BPIFB4: variants seen among roughly 807,000 people sequenced by gnomAD.
The protein encoded by BPIFB4 is BPI fold containing family B member 4, also known as BPI fold-containing family B member 4.
BPIFB4 carries 62 observed loss-of-function variants against 69.2 expected under a neutral mutation model. That is an observed-to-expected ratio of 0.90 (90% confidence interval 0.73 to 1.11). The LOEUF is 1.11. Ranked by LOEUF, BPIFB4 falls within the 50% of genes least tolerant of loss-of-function variation. BPIFB4 has a pLI of 0.00. For synonymous variants in BPIFB4, 330 were observed against 332.7 expected (o/e 0.99, Z 0.09); for missense variants, 789 against 792.0 (o/e 1.00, Z 0.04).
At chr20:33,082,159 C>T (rs1425401998) in intron 3 of BPIFB4, among the ~76,000 whole-genome samples, 1 of 152,046 alleles carries the variant, frequency 6.6e-6, no homozygotes, top group African/African-American at 2.4e-5. Flanking sequence ...ATACTTTCTC[C>T]CTCAACACCC....
rs1270203598 is a variant in BPIFB4, at chr20:33,081,597, C to T, written c.71C>T (p.Thr24Met). 5.8e-6 allele frequency: 9 copies of T among 1,551,606 alleles called. No individual in the cohort carries two copies. The highest frequency in any genetic ancestry group is 1.4e-5 in the African/African-American group (1 of 73,060). Residue 24 changes from threonine (T) to methionine (M), a missense_variant, in exon 3 of 18, where the codon ACG becomes ATG. Thr to Met is a moderately conservative substitution (Grantham distance 81, BLOSUM62 -1). This residue lies in a region of BPIFB4 where 611 missense variants were observed against 575.4 expected (regional missense o/e 1.06). Transcript: ENST00000375483. ...TGTGGCACCAGCCACGAGACAAACACGGTCCTCAGGGTGACGAAAGATGTG... is the reference window on the plus strand; with the variant it reads ...TGTGGCACCAGCCACGAGACAAACATGGTCCTCAGGGTGACGAAAGATGTG... ...AVCGTSHETN[T>M]VLRVTKDVLS...
intron 9 of BPIFB4, among the ~76,000 whole-genome samples, 178 bp downstream of exon 9, chr20:33,089,736 C>G (rs1825563146): frequency 1.3e-5 from 2 of 152,060 alleles, no homozygotes; most frequent in African/African-American, 4.8e-5. Context: ...AACACCCCCC[C>G]CGAGTACCAG....
In BPIFB4 at chr20:33,084,834, G is replaced by A. The variant is rs986987627; in HGVS notation, c.678-58G>A. ...AAAGGGGGTGTAGGGGAGGGCGCTC[G>A]GGTGAGTGGGTGGTAGTTGGGGTGG... On this transcript the variant is annotated intron_variant, in intron 5 of 17. Transcript: ENST00000375483. The A allele has an allele frequency of 2.9e-5, 46 of 1,573,224 alleles. No homozygotes were observed. In the Admixed American group the frequency reaches 3.2e-4, roughly 11 times the overall value.
At chr20:33,104,746 C>A in intron 15 of BPIFB4, 64 bp from the exon 16 acceptor site, 2 of 1,521,466 alleles carry the variant, frequency 1.3e-6, no homozygotes, top group Non-Finnish European at 1.8e-6. Context: ...GGAGCAGACC[C>A]AAGGGGCCCT....
chr20:33,091,758 G>A, intron 10 of BPIFB4, among the ~76,000 whole-genome samples: 1 of 152,240 alleles, frequency 6.6e-6, no homozygotes, highest in Non-Finnish European at 1.5e-5. Context: ...CCCTGATGGA[G>A]ATTAGAATGT....
At chr20:33,085,170 C>G (rs566055279) in intron 6 of BPIFB4, among the ~76,000 whole-genome samples, 174 bp downstream of exon 6, 1 of 152,206 alleles carries the variant, frequency 6.6e-6, no homozygotes, top group Non-Finnish European at 1.5e-5. Context: ...ATCTGGGAGG[C>G]TGGGCTGGGA....
At chr20:33,105,067 T>G (rs1982010925) in intron 16 of BPIFB4, among the ~76,000 whole-genome samples, 194 bp downstream of exon 16, 1 of 152,308 alleles carries the variant, frequency 6.6e-6, no homozygotes, top group African/African-American at 2.4e-5. Flanking sequence ...TATTTGCTTC[T>G]TTCTTGTTTG....
At chr20:33,081,440 C>T in intron 2 of BPIFB4, 72 bp from the exon 3 acceptor site, 1 of 1,521,220 alleles carries the variant, frequency 6.6e-7, no homozygotes, top group Non-Finnish European at 8.8e-7. Context: ...TTGGCTGGGG[C>T]TGCCTAGTGC....
chr20:33,097,631 C>A lies in BPIFB4; in HGVS notation c.1413C>A (p.Tyr471Ter). 1 of 1,613,964 alleles carries A rather than the reference C, an allele frequency of 6.2e-7. No homozygotes were observed. The highest frequency in any genetic ancestry group is 8.5e-7 in the Non-Finnish European group (1 of 1,179,916). Reference sequence around the variant, plus strand: ...CCTGCCCACAGGTGTTCCAGCAGTACCCCGAGTCCTGCCCACTTATCATCA... The same window carrying A: ...CCTGCCCACAGGTGTTCCAGCAGTAACCCGAGTCCTGCCCACTTATCATCA... ...GALIPKVFQQYPESCPLIIRI... is the reference protein window; with the variant it reads ...GALIPKVFQQ Residue 471 changes from tyrosine (Y) to a stop codon, truncating the protein, a stop_gained, in exon 13 of 18, where the codon TAC (tyrosine) becomes TAA (stop). Coordinates refer to ENST00000375483, the MANE Select transcript of BPIFB4 (RefSeq NM_182519.3). LOFTEE classifies it high-confidence loss of function.
intron 14 of BPIFB4, 41 bp downstream of exon 14, chr20:33,100,534 G>T: frequency 1.9e-6 from 3 of 1,563,958 alleles, no homozygotes; most frequent in Non-Finnish European, 2.6e-6. Flanking sequence ...CGGTGCTGGT[G>T]CTGCTCATGG....
At chr20:33,102,441 C>T (rs537316195) in intron 14 of BPIFB4, among the ~76,000 whole-genome samples, 4 of 152,336 alleles carry the variant, frequency 2.6e-5, no homozygotes, top group South Asian at 2.1e-4. Context: ...CCTCAAACCC[C>T]GGCCTCAGCC....
At chr20:33,097,562 C>G (rs1981789106) in intron 12 of BPIFB4, 55 bp from the exon 13 acceptor site, 1 of 1,552,996 alleles carries the variant, frequency 6.4e-7, no homozygotes, top group East Asian at 2.2e-5. Context: ...TGATAACCCC[C>G]TGGGTACCTC....
chr20:33,104,973 T>C (rs1412087092), intron 16 of BPIFB4, 100 bp downstream of exon 16: 5 of 1,218,672 alleles, frequency 4.1e-6, no homozygotes, highest in South Asian at 2.9e-5. Context: ...CCTACCTCAA[T>C]AGTATTTCTG....
At position 33,102,610 on chromosome 20, in the gene BPIFB4, A is replaced by G. The variant is rs114348946; in HGVS notation, c.1638-362A>G. Reference sequence around the variant, plus strand: ...GGTGATGGTGATCACTCATGCACCTATGGCAGGGCTCTGGAGCAGCGCTTT... The same window carrying G: ...GGTGATGGTGATCACTCATGCACCTGTGGCAGGGCTCTGGAGCAGCGCTTT... On this transcript the variant is annotated intron_variant, in intron 14 of 17. Transcript: ENST00000375483. 6.4e-3 allele frequency among the ~76,000 whole-genome samples: 974 copies of G among 152,330 alleles called. 9 individuals are homozygous for G. The highest frequency in any genetic ancestry group is 0.022 in the African/African-American group (900 of 41,580).
chr20:33,100,369 C>A, intron 13 of BPIFB4, 57 bp from the exon 14 acceptor site: 1 of 1,444,322 alleles, frequency 6.9e-7, no homozygotes, highest in Non-Finnish European at 9.7e-7. Context: ...GAGCCTTTGG[C>A]AAGCACTGGC....
In BPIFB4 at chr20:33,111,506, A is replaced by G; in HGVS notation, c.*69A>G. The G allele has an allele frequency of 1.9e-6, 3 of 1,590,588 alleles. No individual in the cohort carries two copies. The highest frequency in any genetic ancestry group is 1.1e-5 in the South Asian group (1 of 89,712). The stretch of plus-strand genomic sequence containing the variant: ...CCAGTCCCAGAGAGGCTCGGCCTGG[A>G]AACAGTCCCCTGCCCAGAGTCCCCT... On this transcript the variant is annotated 3_prime_UTR_variant, in exon 18 of 18. Transcript: ENST00000375483.
chr20:33,108,410 C>CAT (rs1265682524), intron 17 of BPIFB4, among the ~76,000 whole-genome samples: 5 of 68,386 alleles, frequency 7.3e-5, no homozygotes, highest in Non-Finnish European at 1.7e-4. Flanking sequence ...AGTATGCATC[C>CAT]ATATATATAT....
intron 6 of BPIFB4, 28 bp from the exon 7 acceptor site, chr20:33,085,993 G>C (rs1445205304): frequency 6.3e-7 from 1 of 1,589,008 alleles, no homozygotes; most frequent in Non-Finnish European, 8.6e-7. Flanking sequence ...GTGACTCATG[G>C]TCTCCCTGGC....
chr20:33,088,479 A>G (rs879229407), intron 7 of BPIFB4, among the ~76,000 whole-genome samples: 2 of 152,218 alleles, frequency 1.3e-5, no homozygotes, highest in South Asian at 2.1e-4. Context: ...TGTGGATCAC[A>G]TGAGCACATT....
Sources: allele counts gnomAD v4.1 joint callset (sites outside exome capture counted in the v4.1 genomes callset), GRCh38; gene constraint gnomAD v4.1.1; regional missense constraint gnomAD v4.1.1; transcripts MANE v1.5; gene names NCBI Gene and HGNC (gene_info 2026-07-23, HGNC 2026-07-21).